Variants in SEPTIN1 observed in about 807,000 individuals in gnomAD.
SEPTIN1 encodes the protein septin-1.
In SEPTIN1, 52 loss-of-function variants were observed where a neutral mutation model predicts 50.7. The observed-to-expected ratio is 1.03, with a 90% CI of 0.82 to 1.29. The LOEUF (loss-of-function observed/expected upper bound fraction) is 1.29, where lower values mean the gene tolerates loss of function less well. Among genes scored for constraint, SEPTIN1 ranks in the 50% most tolerant of loss-of-function variants. The pLI is 0.00. For synonymous variants in SEPTIN1, 204 were observed against 189.1 expected (o/e 1.08, Z -0.65); for missense variants, 455 against 490.7 (o/e 0.93, Z 0.69).
Position 30,379,545 on chromosome 16 carries a change from G to A in SEPTIN1, c.676-11C>T. The A allele has an allele frequency of 6.2e-7, 1 of 1,606,188 alleles. No individual in the cohort carries two copies. Among genetic ancestry groups the A allele is most frequent in the Non-Finnish European group, 8.5e-7 (1 of 1,173,636 alleles). ...AAAAGGGATGCTTTCCTGGAGGGCA[G>A]GGGGCAGGGGTTCACCATTGGCTCA... On this transcript the variant is annotated splice_polypyrimidine_tract_variant and intron_variant, in intron 7 of 10. Transcript: ENST00000321367.
chr16:30,378,185 G>A lies in SEPTIN1; in HGVS notation c.*249C>T, dbSNP rs1482723149. ...TGAAGACAGAGTCTGGGAGAAGAAG[G>A]GGGACTCCGGAAGACAGTGATGCGG... is the stretch of plus-strand genomic sequence containing the variant. On this transcript the variant is annotated 3_prime_UTR_variant, in exon 11 of 11. Transcript: ENST00000321367. The A allele has an allele frequency of 1.4e-6, 1 of 703,354 alleles. No homozygotes were observed. Among genetic ancestry groups the A allele is most frequent in the South Asian group, 1.5e-5 (1 of 66,048 alleles). The allele number at this position is 703,354 out of a possible 1,614,324, so 43.6% of individuals were successfully genotyped here.
chr16:30,379,101 C>A lies in SEPTIN1; in HGVS notation c.858G>T (p.Thr286=). ...GGTAGCCCTCGTAGAGCAGATCGTG[C>A]GTCACCTCTTTCAGGTCCTGCAGGT... The part of the protein sequence containing the change: ...QTHLQDLKEV[T]HDLLYEGYRA... The change falls in exon 9 of 11, where the codon ACG becomes ACT. Residue 286 remains threonine, a synonymous_variant. Transcript: ENST00000321367. The A allele has an allele frequency of 4.3e-6, 7 of 1,614,070 alleles. No homozygotes were observed. The highest frequency in any genetic ancestry group is 3.3e-4 in the Middle Eastern group (2 of 6,062).
rs768762822 is a variant in SEPTIN1 at position 30,382,130 on chromosome 16, G to T, written c.159C>A (p.Thr53=). Reference sequence around the variant, plus strand: ...GCACCTGGCGATCCTCATAGAGGTTGGTGAGGAAGAGGCTGTTGATGAGGG... The same window carrying T: ...GCACCTGGCGATCCTCATAGAGGTTTGTGAGGAAGAGGCTGTTGATGAGGG... The part of the protein sequence containing the change: ...KSTLINSLFL[T]NLYEDRQVPE... Residue 53 remains threonine (T), a synonymous_variant, in exon 3 of 11, where the codon ACC becomes ACA. Coordinates refer to ENST00000321367, the MANE Select transcript of SEPTIN1 (RefSeq NM_001365977.2). This position sits in a 1 kb window ranked among gnomAD's most constrained non-coding sequence, Gnocchi z 4.8. 4 of 1,590,614 alleles carry T rather than the reference G, an allele frequency of 2.5e-6. No homozygotes were observed. The highest frequency in any genetic ancestry group is 1.7e-6 in the Non-Finnish European group (2 of 1,168,356).
rs762078433 is a variant in SEPTIN1 at position 30,382,141 on chromosome 16, G to A, written c.148C>T (p.Leu50Phe). ...TCCTCATAGAGGTTGGTGAGGAAGA[G>A]GCTGTTGATGAGGGTGGATTTCCCT... ...GLGKSTLINS[L>F]FLTNLYEDRQ... The change falls in exon 3 of 11, where the codon CTC becomes TTC. Residue 50 changes from leucine (L) to phenylalanine (F), a missense_variant. By Grantham distance (22) the Leu-to-Phe change is conservative. Transcript: ENST00000321367. This position sits in a 1 kb window ranked among gnomAD's most constrained non-coding sequence, Gnocchi z 4.8. The A allele has an allele frequency of 3.1e-6, 5 of 1,595,644 alleles. No homozygotes were observed. The highest frequency in any genetic ancestry group is 3.4e-6 in the Non-Finnish European group (4 of 1,171,112).
At position 30,382,206 on chromosome 16, in the gene SEPTIN1, C is replaced by T; in HGVS notation, c.110-27G>A. The T allele has an allele frequency of 2.5e-6, 4 of 1,613,242 alleles. No individual in the cohort carries two copies. Among genetic ancestry groups the T allele is most frequent in the Non-Finnish European group, 3.4e-6 (4 of 1,179,462 alleles). ...TGTGGACAGAACAGGCCCAACTGGT[C>T]AGGGGAGGGGACAGCCAGGGCCTCC... On this transcript the variant is annotated intron_variant, in intron 2 of 10. Transcript: ENST00000321367. The surrounding 1 kb of genome is among the most constrained non-coding windows in gnomAD (Gnocchi z 4.8).
In SEPTIN1 at chr16:30,381,253, A is replaced by G. The variant is rs983948269; in HGVS notation, c.456-9T>C. The G allele has an allele frequency of 6.2e-7, 1 of 1,613,876 alleles. No individual in the cohort carries two copies. The highest frequency in any genetic ancestry group is 8.5e-7 in the Non-Finnish European group (1 of 1,179,808). ...CATCTAGGGGCCGGAGCCTGCACCCAGGGATTGGTCATTGCCCAGCCTCAG... is the reference window on the plus strand; with the variant it reads ...CATCTAGGGGCCGGAGCCTGCACCCGGGGATTGGTCATTGCCCAGCCTCAG... On this transcript the variant is annotated splice_polypyrimidine_tract_variant and intron_variant, in intron 5 of 10. Coordinates refer to ENST00000321367, the MANE Select transcript of SEPTIN1 (RefSeq NM_001365977.2). This position sits in a 1 kb window ranked among gnomAD's most constrained non-coding sequence, Gnocchi z 4.3.
At chr16:30,380,238 T>C (rs2049826590) in intron 6 of SEPTIN1, 1 of 376,520 alleles carries the variant, frequency 2.7e-6, no homozygotes, top group Non-Finnish European at 4.9e-6. Context: ...GATTCTAAGA[T>C]GGGGCAGACA....
At chr16:30,380,113 G>A in intron 6 of SEPTIN1, 80 bp from the exon 7 acceptor site, 2 of 1,162,948 alleles carry the variant, frequency 1.7e-6, no homozygotes, top group Non-Finnish European at 2.4e-6. Flanking sequence ...GTGAGACACA[G>A]AGATACTGGG....
At position 30,378,402 on chromosome 16, in the gene SEPTIN1, G is replaced by T; in HGVS notation, c.*32C>A. 1 of 1,533,058 alleles carries T rather than the reference G, an allele frequency of 6.5e-7. No individual in the cohort carries two copies. Among genetic ancestry groups the T allele is most frequent in the Non-Finnish European group, 8.7e-7 (1 of 1,150,034 alleles). The allele number at this position is 1,533,058 out of a possible 1,614,324, so 95.0% of individuals were successfully genotyped here. On this transcript the variant is annotated 3_prime_UTR_variant, in exon 11 of 11. Transcript: ENST00000321367. Reference sequence around the variant, plus strand: ...ATTGGACAAGAGGCCGACTGAAGGCGGAGCCGAGGTAAGGCCGGGCGGGGC... The same window carrying T: ...ATTGGACAAGAGGCCGACTGAAGGCTGAGCCGAGGTAAGGCCGGGCGGGGC...
In SEPTIN1 at chr16:30,378,162, A is replaced by G; in HGVS notation, c.*272T>C. On this transcript the variant is annotated 3_prime_UTR_variant, in exon 11 of 11. Coordinates refer to ENST00000321367, the MANE Select transcript of SEPTIN1 (RefSeq NM_001365977.2). ...GCCGCGGGAAGCTCAGTTTTTATTGAAGACAGAGTCTGGGAGAAGAAGGGG... is the reference window on the plus strand; with the variant it reads ...GCCGCGGGAAGCTCAGTTTTTATTGGAGACAGAGTCTGGGAGAAGAAGGGG... 1.4e-6 allele frequency: 1 copy of G among 710,518 alleles called. No homozygotes were observed. The highest frequency in any genetic ancestry group is 1.5e-5 in the South Asian group (1 of 66,634). The allele number at this position is 710,518 out of a possible 1,614,324, so 44.0% of individuals were successfully genotyped here.
Position 30,379,967 on chromosome 16 carries a change from C to G in SEPTIN1, c.640G>C (p.Asp214His). 1 of 1,605,708 alleles carries G rather than the reference C, an allele frequency of 6.2e-7. No homozygotes were observed. The highest frequency in any genetic ancestry group is 1.7e-4 in the Middle Eastern group (1 of 6,052). The change falls in exon 7 of 11, where the codon GAT (aspartate) becomes CAT (histidine). Residue 214 changes from aspartate to histidine, a missense_variant. By Grantham distance (81) the Asp-to-His change is moderately conservative. Transcript: ENST00000321367. ...YQFPECDSDE[D>H]EDFKRQDAEM... The stretch of plus-strand genomic sequence containing the variant: ...GCATCCTGCCTCTTGAAGTCTTCAT[C>G]TTCATCAGAGTCACATTCGGGGAAC...
rs1464823259 is a variant in SEPTIN1, at chr16:30,382,216, G to A, written c.110-37C>T. On this transcript the variant is annotated intron_variant, in intron 2 of 10. Transcript: ENST00000321367. This position sits in a 1 kb window ranked among gnomAD's most constrained non-coding sequence, Gnocchi z 4.8. ...ACAGGCCCAACTGGTCAGGGGAGGG[G>A]ACAGCCAGGGCCTCCTAAGGACATC... 6.2e-7 allele frequency: 1 copy of A among 1,612,766 alleles called. No individual in the cohort carries two copies. The highest frequency in any genetic ancestry group is 8.5e-7 in the Non-Finnish European group (1 of 1,178,882).
chr16:30,379,637 CCT>C, intron 7 of SEPTIN1, 103 bp from the exon 8 acceptor site: 1 of 353,942 alleles, frequency 2.8e-6, no homozygotes, highest in Non-Finnish European at 4.8e-6. Flanking sequence ...CCTGCCCCTT[CCT>C]CTTTTTTTTT....
chr16:30,379,551 A>G lies in SEPTIN1; in HGVS notation c.676-17T>C, dbSNP rs775771282. The G allele has an allele frequency of 1.3e-6, 2 of 1,597,648 alleles. No homozygotes were observed. ...GATGCTTTCCTGGAGGGCAGGGGGC[A>G]GGGGTTCACCATTGGCTCACACGGC... On this transcript the variant is annotated splice_polypyrimidine_tract_variant and intron_variant, in intron 7 of 10. Coordinates refer to ENST00000321367, the MANE Select transcript of SEPTIN1 (RefSeq NM_001365977.2).
rs780822617 is a variant in SEPTIN1, at chr16:30,382,061, C to T, written c.196+32G>A. The stretch of plus-strand genomic sequence containing the variant: ...CTAGGGTGTAACCTGGGGACAGGGG[C>T]TACTGCCTCAAGAGGGTGGGGAGGG... On this transcript the variant is annotated intron_variant, in intron 3 of 10. Coordinates refer to ENST00000321367, the MANE Select transcript of SEPTIN1 (RefSeq NM_001365977.2). The surrounding 1 kb of genome is among the most constrained non-coding windows in gnomAD (Gnocchi z 4.8). The T allele has an allele frequency of 4.4e-6, 7 of 1,580,438 alleles. No homozygotes were observed. Among genetic ancestry groups the T allele is most frequent in the Non-Finnish European group, 5.2e-6 (6 of 1,161,778 alleles).
chr16:30,381,113 G>A lies in SEPTIN1; in HGVS notation c.573+14C>T. 6.3e-7 allele frequency: 1 copy of A among 1,590,204 alleles called. No individual in the cohort carries two copies. ...CTTCACATGGGGTCAAAGGTCAGAG[G>A]TCATCACTCACACCTTCTGCTTGAG... On this transcript the variant is annotated intron_variant, in intron 6 of 10. Transcript: ENST00000321367. This position sits in a 1 kb window ranked among gnomAD's most constrained non-coding sequence, Gnocchi z 4.3.
Position 30,378,942 on chromosome 16 carries a change from G to A in SEPTIN1, c.941+76C>T. On this transcript the variant is annotated intron_variant, in intron 9 of 10. Coordinates refer to ENST00000321367, the MANE Select transcript of SEPTIN1 (RefSeq NM_001365977.2). ...GGTGAAGGCGGAGTCACGGGTGGTGGGGACGAGTCCTCAGGGCGGGGTCAT... is the reference window on the plus strand; with the variant it reads ...GGTGAAGGCGGAGTCACGGGTGGTGAGGACGAGTCCTCAGGGCGGGGTCAT... The A allele has an allele frequency of 2.1e-6, 3 of 1,455,062 alleles. No individual in the cohort carries two copies. The Admixed American group carries it at 5.7e-5, about 28-fold the overall frequency. 90.1% of individuals were successfully genotyped at this position (1,455,062 alleles called of 1,614,324 possible). A position where few individuals can be genotyped will look rare whatever the true frequency, so the allele number is the denominator to read the frequency against.
At position 30,381,371 on chromosome 16, in the gene SEPTIN1, G is replaced by A. The variant is rs1426220846; in HGVS notation, c.423C>T (p.Cys141=). The change falls in exon 5 of 11, where the codon TGC becomes TGT. Residue 141 remains cysteine (C), a synonymous_variant. Coordinates refer to ENST00000321367, the MANE Select transcript of SEPTIN1 (RefSeq NM_001365977.2). This position sits in a 1 kb window ranked among gnomAD's most constrained non-coding sequence, Gnocchi z 4.3. ...CGAAGGGTGAGATGAAGTAGAGGCA[G>A]CAGTGGACTCGGGAGTCCTGGATGT... is the stretch of plus-strand genomic sequence containing the variant. The part of the protein sequence containing the change: ...RKNIQDSRVH[C]CLYFISPFGR... 1.9e-6 allele frequency: 3 copies of A among 1,613,322 alleles called. No individual in the cohort carries two copies. The highest frequency in any genetic ancestry group is 2.5e-6 in the Non-Finnish European group (3 of 1,179,628).
chr16:30,379,554 G>T lies in SEPTIN1; in HGVS notation c.676-20C>A. 2 of 1,593,124 alleles carry T rather than the reference G, an allele frequency of 1.3e-6. No homozygotes were observed. The highest frequency in any genetic ancestry group is 1.7e-6 in the Non-Finnish European group (2 of 1,162,430). The stretch of plus-strand genomic sequence containing the variant: ...GCTTTCCTGGAGGGCAGGGGGCAGG[G>T]GTTCACCATTGGCTCACACGGCAGA... On this transcript the variant is annotated intron_variant, in intron 7 of 10. Coordinates refer to ENST00000321367, the MANE Select transcript of SEPTIN1 (RefSeq NM_001365977.2).
Sources: allele counts gnomAD v4.1 joint callset, GRCh38; gene constraint gnomAD v4.1.1; non-coding constraint Gnocchi (gnomAD v3.1); transcripts MANE v1.5; gene names NCBI Gene and HGNC (gene_info 2026-07-23, HGNC 2026-07-21).